WWOX: variants seen among roughly 807,000 people sequenced by gnomAD.
WWOX encodes WW domain-containing oxidoreductase.
Under a neutral mutation model 46.2 loss-of-function variants are expected in WWOX, and 69 were observed. The observed-to-expected ratio is 1.49, with a 90% CI of 1.23 to 1.82. The LOEUF is 1.82. WWOX is among the 40% of genes most tolerant of loss of function. The pLI is 0.00. For missense variants in WWOX, 919 were observed against 542.6 expected (o/e 1.69, Z -6.89); for synonymous variants, 359 against 202.6 (o/e 1.77, Z -6.56).
rs146487920 is a variant in WWOX at position 78,982,201 on chromosome 16, C to T, written c.1057-229407C>T. Among the ~76,000 whole-genome samples the T allele has an allele frequency of 4.0e-3, 614 of 152,296 alleles. 1 individual carries two copies. Among genetic ancestry groups the T allele is most frequent in the African/African-American group, 0.014 (573 of 41,556 alleles). On this transcript the variant is annotated intron_variant, in intron 8 of 8. Transcript: ENST00000566780. ...CCAAACAGCCTCTTTCGTGCACACACGCCTAAGAAATAGGAACATGAATTT... is the reference window on the plus strand; with the variant it reads ...CCAAACAGCCTCTTTCGTGCACACATGCCTAAGAAATAGGAACATGAATTT...
At chr16:78,747,172 G>C (rs2049367770) in intron 8 of WWOX, among the ~76,000 whole-genome samples, 1 of 151,270 alleles carries the variant, frequency 6.6e-6, no homozygotes, top group Non-Finnish European at 1.5e-5. Flanking sequence ...AAGAGTGGTG[G>C]GGGGCACTTT....
Position 78,856,907 on chromosome 16 carries a change from C to G in WWOX, c.1057-354701C>G, listed in dbSNP as rs573420592. ...CCTATACAATCCTAGATGGTATAAC[C>G]TGCCATACTCCTAGGCTAGGTAGAG... is the stretch of plus-strand genomic sequence containing the variant. On this transcript the variant is annotated intron_variant, in intron 8 of 8. Transcript: ENST00000566780. Among the ~76,000 whole-genome samples the G allele has an allele frequency of 1.5e-4, 23 of 152,286 alleles. No homozygotes were observed. In the East Asian group the frequency reaches 3.9e-3, roughly 26 times the overall value.
intron 8 of WWOX, among the ~76,000 whole-genome samples, chr16:78,454,357 CGTGTGTGTGTGT>C (rs35670260): frequency 1.4e-5 from 2 of 146,942 alleles, no homozygotes; most frequent in Non-Finnish European, 3.0e-5. Context: ...TATGTATATT[CGTGTGTGTGTGT>C]GTGTGTGTGT....
chr16:78,186,926 C>G (rs1458744872), intron 5 of WWOX, among the ~76,000 whole-genome samples: 2 of 152,204 alleles, frequency 1.3e-5, no homozygotes, highest in African/African-American at 2.4e-5. Flanking sequence ...GAAATTGACA[C>G]TGGCATGATA....
chr16:79,142,754 A>G (rs985689509), intron 8 of WWOX, among the ~76,000 whole-genome samples: 10 of 152,166 alleles, frequency 6.6e-5, no homozygotes, highest in Admixed American at 2.0e-4. Flanking sequence ...GCGGGACTGC[A>G]GTGGCACCAT....
At chr16:79,045,241 C>T (rs970726554) in intron 8 of WWOX, among the ~76,000 whole-genome samples, 1 of 152,200 alleles carries the variant, frequency 6.6e-6, no homozygotes, top group African/African-American at 2.4e-5. Flanking sequence ...TCAGCAAGAG[C>T]TTTCTAAGGG....
chr16:78,641,351 C>A (rs1273470310), intron 8 of WWOX, among the ~76,000 whole-genome samples: 2 of 151,988 alleles, frequency 1.3e-5, no homozygotes, highest in African/African-American at 4.8e-5. Flanking sequence ...TAATTAGAAG[C>A]CTGGAAGGAC....
chr16:79,140,025 C>T (rs997859887), intron 8 of WWOX, among the ~76,000 whole-genome samples: 5 of 152,218 alleles, frequency 3.3e-5, no homozygotes, highest in African/African-American at 1.2e-4. Flanking sequence ...GCTGCGCTGT[C>T]AGCACCATGG....
At chr16:79,147,443 C>T (rs533683334) in intron 8 of WWOX, among the ~76,000 whole-genome samples, 3 of 152,336 alleles carry the variant, frequency 2.0e-5, no homozygotes, top group East Asian at 3.9e-4. Context: ...TGTTTAATTT[C>T]ATTGCTCAGT....
chr16:78,661,505 C>T (rs190649378), intron 8 of WWOX, among the ~76,000 whole-genome samples: 374 of 152,158 alleles, frequency 2.5e-3, no homozygotes, highest in Non-Finnish European at 3.7e-3. Context: ...TTTGATCATT[C>T]CTTATTAAAC....
At chr16:78,962,118 G>T (rs1211986004) in intron 8 of WWOX, among the ~76,000 whole-genome samples, 2 of 152,022 alleles carry the variant, frequency 1.3e-5, no homozygotes, top group Non-Finnish European at 2.9e-5. Context: ...GAAAAAGAGG[G>T]AGAGGCTTGC....
intron 4 of WWOX, among the ~76,000 whole-genome samples, chr16:78,115,357 T>G (rs1567579324): frequency 6.6e-6 from 1 of 152,154 alleles, no homozygotes; most frequent in Admixed American, 6.5e-5. Context: ...CCTTGAAGTC[T>G]CTGAAAGCTG....
intron 8 of WWOX, among the ~76,000 whole-genome samples, chr16:78,802,253 C>G (rs149745789): frequency 0.015 from 1,771 of 118,026 alleles, 35 homozygotes; most frequent in African/African-American, 0.054. Context: ...GCGTGCAAGG[C>G]TTTCTGTCAC....
chr16:78,420,469 CATGG>C (rs1326338817), intron 6 of WWOX, among the ~76,000 whole-genome samples: 2 of 152,078 alleles, frequency 1.3e-5, no homozygotes, highest in African/African-American at 4.8e-5. Flanking sequence ...TATGCTACAA[CATGG>C]ATGAACCCTG....
chr16:79,179,294 C>T (rs1381137147), intron 8 of WWOX, among the ~76,000 whole-genome samples: 1 of 152,176 alleles, frequency 6.6e-6, no homozygotes, highest in African/African-American at 2.4e-5. Context: ...CCGATTACAA[C>T]ATTTTTCCAT....
chr16:78,867,480 G>C (rs914119086), intron 8 of WWOX, among the ~76,000 whole-genome samples: 2 of 127,884 alleles, frequency 1.6e-5, no homozygotes, highest in East Asian at 4.6e-4. Flanking sequence ...GAAGTTAAAT[G>C]ATTTTGTGTG....
intron 5 of WWOX, among the ~76,000 whole-genome samples, chr16:78,276,335 T>G: frequency 6.6e-6 from 1 of 152,170 alleles, no homozygotes; most frequent in Non-Finnish European, 1.5e-5. Context: ...ATAGCACTAG[T>G]GTAATGCTGG....
At chr16:78,923,290 T>A (rs2045422155) in intron 8 of WWOX, among the ~76,000 whole-genome samples, 1 of 152,150 alleles carries the variant, frequency 6.6e-6, no homozygotes. Context: ...CATCTTTCTT[T>A]TTCTTCCTCT....
At chr16:79,053,290 A>G (rs1054082468) in intron 8 of WWOX, among the ~76,000 whole-genome samples, 4 of 152,194 alleles carry the variant, frequency 2.6e-5, no homozygotes, top group African/African-American at 9.7e-5. Context: ...TTTGAGATTT[A>G]ATTTCCACCA....
Sources: gnomAD v4.1 joint callset for allele counts (sites outside exome capture counted in the v4.1 genomes callset) on GRCh38, gnomAD v4.1.1 for gene constraint, MANE v1.5 for transcripts, NCBI Gene and HGNC (gene_info 2026-07-23, HGNC 2026-07-21) for gene names.